THSD7A: variants seen among roughly 807,000 people sequenced by gnomAD.
The protein encoded by THSD7A is thrombospondin type-1 domain-containing protein 7A.
THSD7A carries 96 observed loss-of-function variants against 231.3 expected under a neutral mutation model. That is an observed-to-expected ratio of 0.41 (90% CI 0.35 to 0.49). The LOEUF is 0.49. Among genes scored for constraint, THSD7A ranks in the 20% least tolerant of loss-of-function variants. The probability of loss-of-function intolerance (pLI) is 0.05; values close to 1 mark genes in which losing one functional copy is unlikely to be tolerated. For synonymous variants in THSD7A, 940 were observed against 743.3 expected (o/e 1.26, Z -4.30); for missense variants, 2,290 against 2,070.2 (o/e 1.11, Z -2.06).
chr7:11,466,794 C>A (rs1785725008), intron 9 of THSD7A, among the ~76,000 whole-genome samples: 1 of 152,028 alleles, frequency 6.6e-6, no homozygotes, highest in South Asian at 2.1e-4. Context: ...CACTCTCTTG[C>A]CACCACCATC....
intron 1 of THSD7A, among the ~76,000 whole-genome samples, chr7:11,700,715 T>C (rs919327623): frequency 6.0e-5 from 9 of 151,212 alleles, no homozygotes; most frequent in African/African-American, 1.9e-4. Context: ...TAAAATCATA[T>C]GTCAGGATTG....
At chr7:11,589,697 G>A (rs995690549) in intron 4 of THSD7A, among the ~76,000 whole-genome samples, 2 of 152,148 alleles carry the variant, frequency 1.3e-5, no homozygotes, top group African/African-American at 4.8e-5. Flanking sequence ...TCAGACAGAA[G>A]GAGGATAAAG....
At chr7:11,382,478 T>A in intron 24 of THSD7A, 43 bp downstream of exon 24, 1 of 1,459,500 alleles carries the variant, frequency 6.9e-7, no homozygotes, top group Non-Finnish European at 9.6e-7. Context: ...ACATGTGTGT[T>A]ACAGGAAGAT....
chr7:11,778,483 T>C (rs1204717960), intron 1 of THSD7A, among the ~76,000 whole-genome samples: 1 of 152,186 alleles, frequency 6.6e-6, no homozygotes, highest in Non-Finnish European at 1.5e-5. Flanking sequence ...TAAAGCTCTA[T>C]GTATTTAGTC....
chr7:11,388,073 CT>C (rs1229986739), intron 23 of THSD7A, among the ~76,000 whole-genome samples: 7 of 152,052 alleles, frequency 4.6e-5, no homozygotes, highest in African/African-American at 1.7e-4. Flanking sequence ...GGTAGATAAG[CT>C]TTTTGATGTG....
At chr7:11,672,059 T>A (rs1006677392) in intron 1 of THSD7A, among the ~76,000 whole-genome samples, 2 of 152,174 alleles carry the variant, frequency 1.3e-5, no homozygotes, top group African/African-American at 4.8e-5. Flanking sequence ...AATGTTAACT[T>A]TTATAAACTT....
intron 2 of THSD7A, among the ~76,000 whole-genome samples, chr7:11,596,612 T>C (rs1780368227): frequency 1.3e-5 from 2 of 152,094 alleles, no homozygotes; most frequent in South Asian, 2.1e-4. Context: ...CAATATCGCA[T>C]AGCTGGAGGG....
intron 23 of THSD7A, among the ~76,000 whole-genome samples, chr7:11,391,326 G>A (rs758713041): frequency 1.3e-5 from 2 of 152,196 alleles, no homozygotes; most frequent in East Asian, 1.9e-4. Context: ...AAGGCGGTCT[G>A]GCCACAGCAG....
intron 6 of THSD7A, among the ~76,000 whole-genome samples, chr7:11,490,805 C>A (rs187393115): frequency 6.4e-4 from 98 of 152,122 alleles, no homozygotes; most frequent in African/African-American, 2.1e-3. Context: ...CACTAATGTG[C>A]CCTTGAGCAG....
chr7:11,459,367 C>G (rs934780357), intron 11 of THSD7A, among the ~76,000 whole-genome samples: 3 of 151,980 alleles, frequency 2.0e-5, no homozygotes, highest in Non-Finnish European at 4.4e-5. Context: ...AAATCAATGC[C>G]TGATTCAAGA....
chr7:11,539,828 G>A (rs49), intron 6 of THSD7A, among the ~76,000 whole-genome samples: 1 of 152,046 alleles, frequency 6.6e-6, no homozygotes, highest in East Asian at 1.9e-4. Context: ...ACTTTTTAGC[G>A]TTTTGTTTCA....
At chr7:11,388,243 T>C (rs1362377857) in intron 23 of THSD7A, among the ~76,000 whole-genome samples, 1 of 152,154 alleles carries the variant, frequency 6.6e-6, no homozygotes, top group Non-Finnish European at 1.5e-5. Flanking sequence ...CTTTTTCTAT[T>C]GATTGGAATC....
chr7:11,793,528 C>G (rs1784024308), intron 1 of THSD7A, among the ~76,000 whole-genome samples: 1 of 148,156 alleles, frequency 6.7e-6, no homozygotes, highest in Non-Finnish European at 1.5e-5. Context: ...GAAATACAAT[C>G]TTAGAAAATA....
At chr7:11,426,483 A>C (rs138225257) in intron 15 of THSD7A, among the ~76,000 whole-genome samples, 183 bp downstream of exon 15, 5 of 152,214 alleles carry the variant, frequency 3.3e-5, no homozygotes, top group African/African-American at 9.6e-5. Flanking sequence ...GTAGGAACAC[A>C]GGTAACTATG....
At position 11,379,157 on chromosome 7, in the gene THSD7A, T is replaced by C. The variant is rs1481565249; in HGVS notation, c.4714A>G (p.Lys1572Glu). The C allele has an allele frequency of 8.1e-6, 13 of 1,613,586 alleles. No individual in the cohort carries two copies. Among genetic ancestry groups the C allele is most frequent in the Non-Finnish European group, 1.0e-5 (12 of 1,179,726 alleles). The change falls in exon 26 of 28, where the codon AAA becomes GAA. Residue 1572 changes from lysine to glutamate, a missense_variant. By Grantham distance (56) the Lys-to-Glu change is moderately conservative (BLOSUM62 1). Coordinates refer to ENST00000423059, the MANE Select transcript of THSD7A (RefSeq NM_015204.3). ...PTMEDKRGDV[K>E]TSRAVHPTQP... The stretch of plus-strand genomic sequence containing the variant: ...GTTGGATGTACAGCCCGACTGGTTT[T>C]CACATCTCCTCTTTTGTCCTCCATG...
chr7:11,469,517 A>G (rs1289074176), intron 9 of THSD7A, among the ~76,000 whole-genome samples: 1 of 152,134 alleles, frequency 6.6e-6, no homozygotes, highest in East Asian at 1.9e-4. Flanking sequence ...TTTGCCATTA[A>G]GTAGGATGAA....
chr7:11,425,833 G>T (rs1478958783), intron 15 of THSD7A, among the ~76,000 whole-genome samples: 1 of 151,608 alleles, frequency 6.6e-6, no homozygotes. Flanking sequence ...TTTATGTAAT[G>T]AATTCTAGAA....
chr7:11,722,272 C>G (rs1781382649), intron 1 of THSD7A, among the ~76,000 whole-genome samples: 1 of 151,774 alleles, frequency 6.6e-6, no homozygotes, highest in Non-Finnish European at 1.5e-5. Context: ...TAATGAAAGT[C>G]TACAAGATTA....
chr7:11,400,281 GC>G (rs1223835005), intron 23 of THSD7A, among the ~76,000 whole-genome samples: 2 of 151,994 alleles, frequency 1.3e-5, no homozygotes, highest in Non-Finnish European at 2.9e-5. Flanking sequence ...TGCATGTTGT[GC>G]ACATGTACCT....
Sources: allele counts gnomAD v4.1 joint callset (sites outside exome capture counted in the v4.1 genomes callset), GRCh38; gene constraint gnomAD v4.1.1; transcripts MANE v1.5; gene names NCBI Gene and HGNC (gene_info 2026-07-23, HGNC 2026-07-21).